Variants in PLD5 observed in about 807,000 individuals in gnomAD.
PLD5 encodes phospholipase D family member 5, also known as inactive phospholipase D5.
Under a neutral mutation model 61.1 loss-of-function variants are expected in PLD5, and 36 were observed. The observed-to-expected ratio is 0.59, with a 90% CI of 0.45 to 0.78. The LOEUF (loss-of-function observed/expected upper bound fraction) is 0.78, where lower values mean the gene tolerates loss of function less well. Ranked by LOEUF, PLD5 falls within the 30% of genes least tolerant of loss-of-function variation. The probability of loss-of-function intolerance (pLI) is 0.00; values close to 1 mark genes in which losing one functional copy is unlikely to be tolerated. For missense variants in PLD5, 515 were observed against 644.4 expected (o/e 0.80, Z 2.17); for synonymous variants, 243 against 242.8 (o/e 1.00, Z -0.01).
chr1:242,163,167 G>A (rs1002526599), intron 5 of PLD5, among the ~76,000 whole-genome samples: 3 of 126,524 alleles, frequency 2.4e-5, no homozygotes, highest in African/African-American at 6.0e-5. Flanking sequence ...TTGAGACGAC[G>A]GAGTCTCACT....
chr1:242,090,801 G>T (rs1318779156), intron 9 of PLD5, among the ~76,000 whole-genome samples: 3 of 152,238 alleles, frequency 2.0e-5, no homozygotes, highest in Non-Finnish European at 4.4e-5. Flanking sequence ...ACAAAATCCA[G>T]GTGTTGGGAG....
At chr1:242,329,614 C>A (rs1308243340) in intron 2 of PLD5, among the ~76,000 whole-genome samples, 1 of 152,190 alleles carries the variant, frequency 6.6e-6, no homozygotes, top group Admixed American at 6.6e-5. Flanking sequence ...TCATTTAGGT[C>A]ATTGGATATC....
At chr1:242,234,932 G>A (rs1197573018) in intron 4 of PLD5, among the ~76,000 whole-genome samples, 1 of 152,122 alleles carries the variant, frequency 6.6e-6, no homozygotes, top group Non-Finnish European at 1.5e-5. Context: ...TAGTTCGAAT[G>A]TTGCTTATGC....
chr1:242,503,653 G>T (rs1407147222), intron 1 of PLD5, among the ~76,000 whole-genome samples: 1 of 152,186 alleles, frequency 6.6e-6, no homozygotes, highest in Non-Finnish European at 1.5e-5. Context: ...CCAGCAACTG[G>T]TTTAGGAATA....
At chr1:242,373,082 CA>C (rs1268887159) in intron 1 of PLD5, among the ~76,000 whole-genome samples, 2 of 152,034 alleles carry the variant, frequency 1.3e-5, no homozygotes, top group Non-Finnish European at 2.9e-5. Context: ...ACAAAGAACT[CA>C]AACAAATTTA....
chr1:242,250,628 T>A (rs909844266), intron 4 of PLD5, among the ~76,000 whole-genome samples: 2 of 152,226 alleles, frequency 1.3e-5, no homozygotes, highest in Admixed American at 6.5e-5. Flanking sequence ...AAATAATGTG[T>A]TTGATGTACT....
At chr1:242,202,737 G>A (rs1213609965) in intron 5 of PLD5, among the ~76,000 whole-genome samples, 4 of 152,118 alleles carry the variant, frequency 2.6e-5, no homozygotes, top group African/African-American at 4.8e-5. Flanking sequence ...GTGCATTCAT[G>A]CATTCATTTA....
intron 5 of PLD5, among the ~76,000 whole-genome samples, chr1:242,184,276 T>A (rs187462626): frequency 7.2e-4 from 109 of 152,358 alleles, no homozygotes; most frequent in Admixed American, 2.0e-3. Flanking sequence ...TAGGTTTGCC[T>A]TGAAGATTTG....
chr1:242,500,817 G>A (rs1300880514), intron 1 of PLD5, among the ~76,000 whole-genome samples: 2 of 152,062 alleles, frequency 1.3e-5, no homozygotes, highest in African/African-American at 2.4e-5. Flanking sequence ...CCATTCAGGA[G>A]AGGACCACTG....
chr1:242,506,343 C>T (rs950248609), intron 1 of PLD5, among the ~76,000 whole-genome samples: 27 of 152,188 alleles, frequency 1.8e-4, no homozygotes, highest in African/African-American at 6.5e-4. Context: ...GATACTCTCA[C>T]TTTACTAAGG....
intron 5 of PLD5, among the ~76,000 whole-genome samples, chr1:242,156,730 C>G (rs913437588): frequency 1.3e-5 from 2 of 152,192 alleles, no homozygotes; most frequent in African/African-American, 2.4e-5. Context: ...TGCTGTTAGT[C>G]TGATGGGCTT....
In PLD5 at chr1:242,327,762, C is replaced by T. The variant is rs181476979; in HGVS notation, c.326+20344G>A. Reference sequence around the variant, plus strand: ...GTAAATTATTTTATCCTGAAATGTTCTTACTCCAGAGAAGAATAACCATCT... The same window carrying T: ...GTAAATTATTTTATCCTGAAATGTTTTTACTCCAGAGAAGAATAACCATCT... On this transcript the variant is annotated intron_variant, in intron 2 of 9. Coordinates refer to ENST00000536534, the MANE Select transcript of PLD5 (RefSeq NM_001372062.1). 1.1e-3 allele frequency among the ~76,000 whole-genome samples: 162 copies of T among 152,236 alleles called. 1 individual carries two copies. The highest frequency in any genetic ancestry group is 5.9e-5 in the Non-Finnish European group (4 of 68,012).
intron 2 of PLD5, among the ~76,000 whole-genome samples, chr1:242,294,454 A>C (rs1272796163): frequency 6.6e-6 from 1 of 152,212 alleles, no homozygotes; most frequent in Non-Finnish European, 1.5e-5. Flanking sequence ...TAAAAAATGA[A>C]GTCCATGTAT....
intron 1 of PLD5, among the ~76,000 whole-genome samples, chr1:242,395,230 A>G (rs952277895): frequency 4.6e-5 from 7 of 151,928 alleles, no homozygotes; most frequent in African/African-American, 1.7e-4. Flanking sequence ...GTTTTACTTC[A>G]TAGGCAGCAA....
intron 1 of PLD5, among the ~76,000 whole-genome samples, chr1:242,394,940 T>TATATATGATTATATATGA (rs1663393741): frequency 7.9e-6 from 1 of 126,452 alleles, no homozygotes. Context: ...ATTATATGAA[T>TATATATGATTATATATGA]ATATATGATT....
intron 1 of PLD5, among the ~76,000 whole-genome samples, chr1:242,497,259 T>C (rs543379507): frequency 6.6e-6 from 1 of 152,212 alleles, no homozygotes; most frequent in African/African-American, 2.4e-5. Flanking sequence ...CAGAGTTCTT[T>C]CAATGACACC....
chr1:242,321,342 T>C (rs75761468), intron 2 of PLD5, among the ~76,000 whole-genome samples: 1 of 152,004 alleles, frequency 6.6e-6, no homozygotes, highest in Non-Finnish European at 1.5e-5. Flanking sequence ...TCACTCTTGT[T>C]GCCCAGGCTG....
At chr1:242,104,824 G>T (rs1340471783) in intron 8 of PLD5, among the ~76,000 whole-genome samples, 1 of 152,104 alleles carries the variant, frequency 6.6e-6, no homozygotes, top group Non-Finnish European at 1.5e-5. Flanking sequence ...CTGGCTGTGT[G>T]GTTATGAATA....
chr1:242,527,082 A>G (rs1669463167), upstream of PLD5, among the ~76,000 whole-genome samples: 1 of 143,946 alleles, frequency 6.9e-6, no homozygotes, highest in Admixed American at 7.0e-5. Flanking sequence ...AGGACTATAC[A>G]TAGTGACTGC....
Sources: allele counts gnomAD v4.1 joint callset (sites outside exome capture counted in the v4.1 genomes callset), GRCh38; gene constraint gnomAD v4.1.1; transcripts MANE v1.5; gene names NCBI Gene and HGNC (gene_info 2026-07-23, HGNC 2026-07-21).